EYA1: variants seen among roughly 807,000 people sequenced by gnomAD.
EYA1 encodes protein phosphatase EYA1.
A neutral mutation model predicts 82.0 loss-of-function variants in EYA1; 16 were observed. The observed-to-expected ratio is 0.20, with a 90% CI of 0.13 to 0.30. EYA1 has a LOEUF of 0.30. EYA1 is among the 10% of genes least tolerant of loss of function. The pLI is 1.00. For synonymous variants in EYA1, 261 were observed against 264.4 expected (o/e 0.99, Z 0.12); for missense variants, 633 against 730.7 (o/e 0.87, Z 1.54).
At chr8:71,281,372 G>C (rs947479226) in intron 9 of EYA1, among the ~76,000 whole-genome samples, 1 of 152,188 alleles carries the variant, frequency 6.6e-6, no homozygotes, top group Non-Finnish European at 1.5e-5. Flanking sequence ...GCAGGGATTT[G>C]TGGTATCGTC....
chr8:71,350,961 T>C (rs1368261262), intron 3 of EYA1, among the ~76,000 whole-genome samples: 1 of 152,192 alleles, frequency 6.6e-6, no homozygotes, highest in Non-Finnish European at 1.5e-5. Context: ...CTACTTCTCA[T>C]GCTTAACACA....
At chr8:71,204,005 A>G (rs1333303121) in intron 17 of EYA1, among the ~76,000 whole-genome samples, 1 of 152,152 alleles carries the variant, frequency 6.6e-6, no homozygotes, top group African/African-American at 2.4e-5. Flanking sequence ...ACCCAGAGAT[A>G]TTTTCTCAGG....
Position 71,271,794 on chromosome 8 carries a change from G to T in EYA1, c.930C>A (p.Asn310Lys), listed in dbSNP as rs745910111. The T allele has an allele frequency of 6.2e-7, 1 of 1,614,166 alleles. No homozygotes were observed. ...DGKSRGRGRRNNNPSPPPDSD... is the reference protein window; with the variant it reads ...DGKSRGRGRRKNNPSPPPDSD... ...AATCTGGGGGAGGTGAAGGATTATT[G>T]TTTCTTCGGCCCCGTCCACGTGATT... Residue 310 changes from asparagine to lysine, a missense_variant, in exon 10 of 18, where the codon AAC becomes AAA. Transcript: ENST00000340726.
intron 9 of EYA1, among the ~76,000 whole-genome samples, chr8:71,274,345 C>A (rs1816881884): frequency 1.3e-5 from 2 of 152,162 alleles, no homozygotes; most frequent in Non-Finnish European, 2.9e-5. Context: ...ATTCTCTTAA[C>A]CAGCTTTCCA....
At chr8:71,415,277 C>T (rs1433897666) in intron 2 of EYA1, among the ~76,000 whole-genome samples, 1 of 152,170 alleles carries the variant, frequency 6.6e-6, no homozygotes, top group Non-Finnish European at 1.5e-5. Flanking sequence ...ATATGAGAAA[C>T]TAATCTTATT....
chr8:71,468,374 G>A (rs1276971949), intron 2 of EYA1, among the ~76,000 whole-genome samples: 1 of 152,042 alleles, frequency 6.6e-6, no homozygotes, highest in Non-Finnish European at 1.5e-5. Context: ...ACAGGCCTGT[G>A]GAAATCATGT....
At chr8:71,488,620 A>C (rs1445901751) in intron 2 of EYA1, among the ~76,000 whole-genome samples, 1 of 152,226 alleles carries the variant, frequency 6.6e-6, no homozygotes, top group Non-Finnish European at 1.5e-5. Context: ...ACAGTTCTAA[A>C]TTTTGATCTG....
At chr8:71,331,584 G>C (rs536389038) in intron 4 of EYA1, among the ~76,000 whole-genome samples, 1 of 151,586 alleles carries the variant, frequency 6.6e-6, no homozygotes, top group Non-Finnish European at 1.5e-5. Context: ...ACCATCTAGA[G>C]AGAATCACTG....
At chr8:71,329,469 C>T (rs1385686499) in intron 4 of EYA1, among the ~76,000 whole-genome samples, 1 of 152,138 alleles carries the variant, frequency 6.6e-6, no homozygotes, top group Non-Finnish European at 1.5e-5. Flanking sequence ...TTCATTAGCT[C>T]CAGCCTTGTT....
chr8:71,351,318 C>T (rs374924239), intron 3 of EYA1, among the ~76,000 whole-genome samples: 2 of 152,274 alleles, frequency 1.3e-5, no homozygotes, highest in South Asian at 4.1e-4. Flanking sequence ...TTAATAGTAA[C>T]AAAAATATGC....
intron 1 of EYA1, chr8:71,356,747 C>T (rs1172891320): frequency 1.3e-5 from 16 of 1,206,074 alleles, no homozygotes; most frequent in South Asian, 7.1e-5. Context: ...AGCCAAATGA[C>T]GTGATAGTGA....
intron 2 of EYA1, among the ~76,000 whole-genome samples, chr8:71,387,465 T>A (rs1320240798): frequency 6.6e-6 from 1 of 152,144 alleles, no homozygotes; most frequent in Non-Finnish European, 1.5e-5. Context: ...AGTGTAGCAG[T>A]GGTCCAGGTG....
chr8:71,448,023 T>TAGG (rs1807030520), intron 2 of EYA1, among the ~76,000 whole-genome samples: 1 of 56,802 alleles, frequency 1.8e-5, no homozygotes, highest in African/African-American at 9.0e-5. Flanking sequence ...TTTTTTTTTT[T>TAGG]TTTCTCGCTC....
chr8:71,484,001 T>C (rs1390654409), intron 2 of EYA1, among the ~76,000 whole-genome samples: 1 of 152,212 alleles, frequency 6.6e-6, no homozygotes, highest in East Asian at 1.9e-4. Context: ...TTTCTGGGAC[T>C]TCTCAGGGGC....
chr8:71,384,473 T>G (rs1287318284), intron 2 of EYA1, among the ~76,000 whole-genome samples: 1 of 152,172 alleles, frequency 6.6e-6, no homozygotes, highest in African/African-American at 2.4e-5. Flanking sequence ...GAGAAGCCCT[T>G]TGTTTGTACA....
upstream of EYA1, chr8:71,362,113 T>C: frequency 2.0e-6 from 2 of 983,974 alleles, no homozygotes; most frequent in Non-Finnish European, 2.4e-6. Flanking sequence ...CTCGATTTGT[T>C]TGCGCAGCCT....
intron 1 of EYA1, among the ~76,000 whole-genome samples, chr8:71,357,995 T>C (rs1022011758): frequency 3.9e-5 from 6 of 152,090 alleles, no homozygotes; most frequent in African/African-American, 1.4e-4. Flanking sequence ...TCTCCACTTT[T>C]ATACACCTGG....
intron 11 of EYA1, among the ~76,000 whole-genome samples, chr8:71,254,100 T>C (rs1290637418): frequency 6.6e-6 from 1 of 151,920 alleles, no homozygotes; most frequent in East Asian, 1.9e-4. Context: ...GTCAACCTCC[T>C]TAGAGCTAAA....
chr8:71,250,561 T>C (rs2128915217), intron 11 of EYA1, among the ~76,000 whole-genome samples: 1 of 152,334 alleles, frequency 6.6e-6, no homozygotes, highest in Non-Finnish European at 1.5e-5. Flanking sequence ...GTTTTCTTTC[T>C]TTTTAGTTTT....
Sources: gnomAD v4.1 joint callset for allele counts (sites outside exome capture counted in the v4.1 genomes callset) on GRCh38, gnomAD v4.1.1 for gene constraint, MANE v1.5 for transcripts, NCBI Gene and HGNC (gene_info 2026-07-23, HGNC 2026-07-21) for gene names.